Variants in TTC8 observed in about 807,000 individuals in gnomAD.
TTC8 encodes tetratricopeptide repeat domain 8, also known as tetratricopeptide repeat protein 8.
A neutral mutation model predicts 72.5 loss-of-function variants in TTC8; 47 were observed. The ratio of observed to expected loss-of-function variants is 0.65; its 90% confidence interval spans 0.51 to 0.83. The LOEUF is 0.83. TTC8 is among the 40% of genes least tolerant of loss of function. The pLI is 0.00. For synonymous variants in TTC8, 199 were observed against 221.4 expected (o/e 0.90, Z 0.90); for missense variants, 611 against 623.2 (o/e 0.98, Z 0.21).
chr14:88,834,081 T>C (rs2094738803), intron 2 of TTC8: 2 of 304,574 alleles, frequency 6.6e-6, no homozygotes, highest in South Asian at 6.8e-5. Flanking sequence ...TGAAAGACTG[T>C]GATGGATGGG....
chr14:88,857,368 AG>A, intron 9 of TTC8, 91 bp downstream of exon 9: 5 of 1,139,454 alleles, frequency 4.4e-6, no homozygotes, highest in Non-Finnish European at 6.6e-6. Flanking sequence ...CAGCTTCTTC[AG>A]GAATATTTGG....
rs570481359 is a variant in TTC8 at position 88,860,334 on chromosome 14, C to T, written c.799-888C>T. ...AAAAAAGTGTCATAATCTTATGTTG[C>T]CATACATAAAATAATAATACTGTTT... On this transcript the variant is annotated intron_variant, in intron 9 of 14. Coordinates refer to ENST00000380656, the MANE Select transcript of TTC8 (RefSeq NM_144596.4). 2.6e-5 allele frequency among the ~76,000 whole-genome samples: 4 copies of T among 152,158 alleles called. No homozygotes were observed. The East Asian group carries it at 5.8e-4, about 22-fold the overall frequency.
Position 88,860,161 on chromosome 14 carries a change from T to C in TTC8, c.799-1061T>C, listed in dbSNP as rs1252893713. Among the ~76,000 whole-genome samples, 5 of 151,364 alleles carry C rather than the reference T, an allele frequency of 3.3e-5. No homozygotes were observed. In the East Asian group the frequency reaches 9.6e-4, roughly 29 times the overall value. ...TAGAACTTGTACAGTCAATAGTGTA[T>C]AAGGTAAAAACTGAAAAGTTATTAT... is the stretch of plus-strand genomic sequence containing the variant. On this transcript the variant is annotated intron_variant, in intron 9 of 14. Coordinates refer to ENST00000380656, the MANE Select transcript of TTC8 (RefSeq NM_144596.4).
chr14:88,824,670 C>A lies in TTC8; in HGVS notation c.-38C>A, dbSNP rs886050876. Reference sequence around the variant, plus strand: ...CTCTTCACTCCACGCCCACCTCTCTCCTGGAGCGCTGGGCCTTCGCTGGCC... The same window carrying A: ...CTCTTCACTCCACGCCCACCTCTCTACTGGAGCGCTGGGCCTTCGCTGGCC... On this transcript the variant is annotated 5_prime_UTR_variant, in exon 1 of 15. Coordinates refer to ENST00000380656, the MANE Select transcript of TTC8 (RefSeq NM_144596.4). The A allele has an allele frequency of 2.0e-6, 3 of 1,529,276 alleles. No homozygotes were observed. Among genetic ancestry groups the A allele is most frequent in the Non-Finnish European group, 2.7e-6 (3 of 1,122,292 alleles). 94.7% of individuals were successfully genotyped at this position (1,529,276 alleles called of 1,614,324 possible). A position where few individuals can be genotyped will look rare whatever the true frequency, so the allele number is the denominator to read the frequency against.
At chr14:88,880,410 C>T (rs1346877848), downstream of TTC8, 1 of 152,124 alleles carries the variant, frequency 6.6e-6, no homozygotes, top group Non-Finnish European at 1.5e-5. Flanking sequence ...AAAGAATAGA[C>T]ATGTTGTTAT....
chr14:88,868,404 A>T (rs1354473578), intron 10 of TTC8, among the ~76,000 whole-genome samples: 1 of 152,212 alleles, frequency 6.6e-6, no homozygotes, highest in Non-Finnish European at 1.5e-5. Context: ...GGAATCTTAG[A>T]CCAAAACGTT....
At chr14:88,833,744 A>C (rs780108596) in intron 2 of TTC8, 22 bp downstream of exon 2, 14 of 1,611,352 alleles carry the variant, frequency 8.7e-6, no homozygotes, top group Middle Eastern at 1.7e-4. Flanking sequence ...TTTAGCTGCA[A>C]CCTTTAGTTT....
chr14:88,847,149 C>G (rs1028351419), intron 7 of TTC8, among the ~76,000 whole-genome samples: 6 of 152,174 alleles, frequency 3.9e-5, no homozygotes, highest in African/African-American at 1.2e-4. Flanking sequence ...TTAATAAAAG[C>G]TCCGCAGGCA....
chr14:88,846,488 G>C (rs574655258), intron 7 of TTC8: 2 of 570,092 alleles, frequency 3.5e-6, no homozygotes, highest in South Asian at 4.5e-5. Context: ...AAGAAGGCCA[G>C]TGTGGCTGAG....
Position 88,871,778 on chromosome 14 carries a change from A to G in TTC8, c.1224+55A>G. ...TATAGAAAGTTGGTTTGAGCCAGAC[A>G]CAGTGGCTCATGCCTATAATTCCAG... is the stretch of plus-strand genomic sequence containing the variant. On this transcript the variant is annotated intron_variant, in intron 12 of 14. Transcript: ENST00000380656. The surrounding 1 kb of genome is among the most constrained non-coding windows in gnomAD (Gnocchi z 4.1). 1 of 1,573,458 alleles carries G rather than the reference A, an allele frequency of 6.4e-7. No homozygotes were observed. Among genetic ancestry groups the G allele is most frequent in the Non-Finnish European group, 8.7e-7 (1 of 1,144,068 alleles).
intron 7 of TTC8, chr14:88,846,448 G>A: frequency 2.1e-6 from 1 of 484,960 alleles, no homozygotes. Context: ...GTCCTGAGTA[G>A]AAGCATGCTT....
intron 13 of TTC8, among the ~76,000 whole-genome samples, chr14:88,873,831 G>C (rs549996515): frequency 3.7e-4 from 56 of 152,300 alleles, no homozygotes; most frequent in African/African-American, 1.3e-3. Flanking sequence ...ATAAAGAAAC[G>C]GAGGCTTGAG....
intron 1 of TTC8, chr14:88,831,025 A>G: frequency 2.5e-6 from 1 of 403,348 alleles, no homozygotes; most frequent in Non-Finnish European, 4.9e-6. Flanking sequence ...TACTGCCTCT[A>G]TACCTTTGAG....
chr14:88,831,889 T>C (rs973499238), intron 1 of TTC8, among the ~76,000 whole-genome samples: 1 of 152,168 alleles, frequency 6.6e-6, no homozygotes, highest in African/African-American at 2.4e-5. Flanking sequence ...GTCTTCTGCT[T>C]TTCTTTTGTT....
chr14:88,838,471 A>G (rs1406332800), intron 2 of TTC8, among the ~76,000 whole-genome samples: 1 of 151,970 alleles, frequency 6.6e-6, no homozygotes, highest in Non-Finnish European at 1.5e-5. Context: ...ACAGCCATAT[A>G]TTCCTAGTAT....
At chr14:88,855,034 C>G (rs1165304860) in intron 8 of TTC8, among the ~76,000 whole-genome samples, 2 of 152,120 alleles carry the variant, frequency 1.3e-5, no homozygotes, top group African/African-American at 4.8e-5. Context: ...TTCAGCATTC[C>G]CTAACATGCT....
chr14:88,853,160 A>G, intron 8 of TTC8, 104 bp downstream of exon 8: 1 of 805,090 alleles, frequency 1.2e-6, no homozygotes, highest in Non-Finnish European at 2.1e-6. Flanking sequence ...AAGAAATGAG[A>G]ACTGTGTCTT....
chr14:88,840,999 G>T, intron 4 of TTC8, 38 bp from the exon 5 acceptor site: 6 of 1,613,968 alleles, frequency 3.7e-6, no homozygotes, highest in Non-Finnish European at 5.1e-6. Context: ...TTCCTCAAAT[G>T]ATCTTCTTTG....
At chr14:88,859,723 G>T (rs2094874720) in intron 9 of TTC8, among the ~76,000 whole-genome samples, 1 of 150,580 alleles carries the variant, frequency 6.6e-6, no homozygotes, top group South Asian at 2.1e-4. Context: ...TGGAGTTCGA[G>T]ACCAGCCTGG....
Sources: allele counts gnomAD v4.1 joint callset (sites outside exome capture counted in the v4.1 genomes callset), GRCh38; gene constraint gnomAD v4.1.1; non-coding constraint Gnocchi (gnomAD v3.1); transcripts MANE v1.5; gene names NCBI Gene and HGNC (gene_info 2026-07-23, HGNC 2026-07-21).